The following CACNA2D3 variants were observed in gnomAD, a reference collection of about 807,000 sequenced individuals.
CACNA2D3 encodes the protein calcium voltage-gated channel auxiliary subunit alpha2delta 3, also known as voltage-dependent calcium channel subunit alpha-2/delta-3.
Under a neutral mutation model 160.6 loss-of-function variants are expected in CACNA2D3, and 60 were observed. The observed-to-expected ratio is 0.37, with a 90% CI of 0.30 to 0.46. CACNA2D3 has a LOEUF of 0.46. CACNA2D3 is among the 20% of genes least tolerant of loss of function. CACNA2D3 has a pLI of 1.00. For synonymous variants in CACNA2D3, 558 were observed against 492.9 expected, an observed-to-expected ratio of 1.13 and a Z score of -1.75; for missense variants, 1,205 against 1,365.0, an observed-to-expected ratio of 0.88 and a Z score of 1.85.
chr3:54,859,969 G>A (rs1436391489), intron 17 of CACNA2D3, among the ~76,000 whole-genome samples: 1 of 65,682 alleles, frequency 1.5e-5, no homozygotes, highest in Admixed American at 1.7e-4. Flanking sequence ...CTGGAAAGTA[G>A]ATGCACACAC....
rs185827120 is a variant in CACNA2D3 at position 54,149,191 on chromosome 3, A to G, written c.204+25597A>G. On this transcript the variant is annotated intron_variant, in intron 2 of 37. Coordinates refer to ENST00000474759, the MANE Select transcript of CACNA2D3 (RefSeq NM_018398.3). The stretch of plus-strand genomic sequence containing the variant: ...GACTCAGGGAAGGAGCAAAATCGCA[A>G]TGTCCTCAACCTGTGGCCCGACCCC... Among the ~76,000 whole-genome samples the G allele has an allele frequency of 4.2e-4, 64 of 151,392 alleles. 8 individuals are homozygous for G. The highest frequency in any genetic ancestry group is 3.3e-3 in the East Asian group (17 of 5,110).
chr3:54,379,189 C>T (rs531302628), intron 3 of CACNA2D3, among the ~76,000 whole-genome samples: 1 of 152,262 alleles, frequency 6.6e-6, no homozygotes, highest in South Asian at 2.1e-4. Flanking sequence ...TATAGATTAG[C>T]TTTTATAATC....
intron 17 of CACNA2D3, among the ~76,000 whole-genome samples, chr3:54,866,452 T>C (rs755374434): frequency 5.3e-5 from 8 of 152,292 alleles, no homozygotes; most frequent in African/African-American, 1.2e-4. Flanking sequence ...TCGCTGGCTG[T>C]CAGCCCTCGG....
At position 54,946,485 on chromosome 3, in the gene CACNA2D3, G is replaced by A. The variant is rs545688210; in HGVS notation, c.2450-21965G>A. ...ATATAGAGAGGGGAAGAAAATGAAAGGAGGGGGGATGTGAGGGCCGTTAGC... is the reference window on the plus strand; with the variant it reads ...ATATAGAGAGGGGAAGAAAATGAAAAGAGGGGGGATGTGAGGGCCGTTAGC... On this transcript the variant is annotated intron_variant, in intron 27 of 37. Coordinates refer to ENST00000474759, the MANE Select transcript of CACNA2D3 (RefSeq NM_018398.3). 8.5e-5 allele frequency among the ~76,000 whole-genome samples: 13 copies of A among 152,340 alleles called. No homozygotes were observed. In the South Asian group the frequency reaches 2.3e-3, roughly 27 times the overall value.
At chr3:54,303,825 T>TTTTTTTTTG (rs1703534138) in intron 2 of CACNA2D3, among the ~76,000 whole-genome samples, 1 of 55,152 alleles carries the variant, frequency 1.8e-5, no homozygotes, top group African/African-American at 5.9e-5. Context: ...TCTGTTTTTT[T>TTTTTTTTTG]TTTTTTTTTT....
At position 54,441,847 on chromosome 3, in the gene CACNA2D3, T is replaced by G. The variant is rs866592708; in HGVS notation, c.381+55073T>G. Among the ~76,000 whole-genome samples the G allele has an allele frequency of 2.4e-4, 36 of 152,352 alleles. 1 individual carries two copies. The highest frequency in any genetic ancestry group is 3.4e-3 in the Middle Eastern group (1 of 292). On this transcript the variant is annotated intron_variant, in intron 4 of 37. Coordinates refer to ENST00000474759, the MANE Select transcript of CACNA2D3 (RefSeq NM_018398.3). ...AATGAATAATGACGAATGATATATT[T>G]GATTGGCATGGAAATGACACAGAAA... is the stretch of plus-strand genomic sequence containing the variant.
chr3:54,519,229 G>A (rs2106984061), intron 5 of CACNA2D3, among the ~76,000 whole-genome samples: 1 of 152,360 alleles, frequency 6.6e-6, no homozygotes, highest in Non-Finnish European at 1.5e-5. Flanking sequence ...AGGCTCCCCA[G>A]GGACTGGTTT....
chr3:54,378,635 A>G (rs1182808865), intron 3 of CACNA2D3, among the ~76,000 whole-genome samples: 3 of 152,234 alleles, frequency 2.0e-5, no homozygotes, highest in African/African-American at 7.2e-5. Flanking sequence ...TTTCATGGTT[A>G]AATAGCCTTG....
intron 11 of CACNA2D3, among the ~76,000 whole-genome samples, chr3:54,648,003 T>C (rs550961721): frequency 7.9e-5 from 12 of 152,344 alleles, no homozygotes; most frequent in South Asian, 6.2e-4. Flanking sequence ...GAAATAAAGC[T>C]GCATTCACTT....
chr3:54,881,067 C>T (rs780252564), intron 21 of CACNA2D3, among the ~76,000 whole-genome samples: 21 of 152,192 alleles, frequency 1.4e-4, no homozygotes, highest in Admixed American at 1.1e-3. Context: ...ACAGGAGTTC[C>T]GATTCATGGT....
chr3:55,031,714 C>T (rs1292688524), intron 35 of CACNA2D3, among the ~76,000 whole-genome samples: 2 of 152,062 alleles, frequency 1.3e-5, no homozygotes, highest in Admixed American at 1.3e-4. Flanking sequence ...GAAGATATAG[C>T]CCAAGAAGCT....
intron 5 of CACNA2D3, among the ~76,000 whole-genome samples, chr3:54,532,106 A>G (rs949866073): frequency 2.6e-5 from 4 of 152,156 alleles, no homozygotes; most frequent in East Asian, 1.9e-4. Context: ...GTTTGTATCA[A>G]TGTAGGGGGT....
intron 17 of CACNA2D3, among the ~76,000 whole-genome samples, chr3:54,867,788 A>G (rs577669236): frequency 3.9e-5 from 6 of 152,332 alleles, no homozygotes; most frequent in African/African-American, 9.6e-5. Flanking sequence ...TTTCCTGGAT[A>G]AATCCAGGAA....
At chr3:54,270,206 T>C (rs963386636) in intron 2 of CACNA2D3, among the ~76,000 whole-genome samples, 1 of 152,246 alleles carries the variant, frequency 6.6e-6, no homozygotes, top group Non-Finnish European at 1.5e-5. Context: ...TTTGTAAATA[T>C]AAAAGAGAAA....
chr3:54,264,914 T>C (rs1410124762), intron 2 of CACNA2D3, among the ~76,000 whole-genome samples: 1 of 152,196 alleles, frequency 6.6e-6, no homozygotes, highest in African/African-American at 2.4e-5. Flanking sequence ...CAACATGAAC[T>C]CATTCTTTTT....
chr3:54,504,071 T>C (rs1296662991), intron 5 of CACNA2D3, among the ~76,000 whole-genome samples: 1 of 152,154 alleles, frequency 6.6e-6, no homozygotes, highest in Non-Finnish European at 1.5e-5. Flanking sequence ...CAGGCTGTAG[T>C]CTTCTGACCC....
At chr3:54,760,924 G>A (rs906306475) in intron 12 of CACNA2D3, among the ~76,000 whole-genome samples, 4 of 152,070 alleles carry the variant, frequency 2.6e-5, no homozygotes, top group East Asian at 1.9e-4. Flanking sequence ...TGGAGGTGTC[G>A]GGTATACAGT....
At chr3:54,650,650 C>A (rs749124562) in intron 11 of CACNA2D3, among the ~76,000 whole-genome samples, 14 of 152,092 alleles carry the variant, frequency 9.2e-5, no homozygotes, top group Non-Finnish European at 1.8e-4. Context: ...TAGGTGTGAA[C>A]TACCGTGCCA....
intron 13 of CACNA2D3, among the ~76,000 whole-genome samples, chr3:54,809,540 G>A (rs1044440360): frequency 7.2e-6 from 1 of 139,606 alleles, no homozygotes. Context: ...GGATGGTCTC[G>A]ATCTCCTGAC....
Sources: gnomAD v4.1 joint callset for allele counts (sites outside exome capture counted in the v4.1 genomes callset) on GRCh38, gnomAD v4.1.1 for gene constraint, MANE v1.5 for transcripts, NCBI Gene and HGNC (gene_info 2026-07-23, HGNC 2026-07-21) for gene names.